Variants in DHX8 observed in about 807,000 individuals in gnomAD.
DHX8 encodes ATP-dependent RNA helicase DHX8.
A neutral mutation model predicts 140.7 loss-of-function variants in DHX8; 67 were observed. The ratio of observed to expected loss-of-function variants is 0.48; its 90% confidence interval spans 0.39 to 0.58. The LOEUF is 0.58. DHX8 is among the 20% of genes least tolerant of loss of function. The pLI is 0.00. For synonymous variants in DHX8, 533 were observed against 553.2 expected (o/e 0.96, Z 0.51); for missense variants, 887 against 1,550.7 (o/e 0.57, Z 7.19).
chr17:43,528,229 GA>G, downstream of DHX8: 5 of 345,432 alleles, frequency 1.4e-5, no homozygotes, highest in East Asian at 8.7e-5. Flanking sequence ...TGTGGTTGGG[GA>G]AAAGGTGTGG....
At chr17:43,501,196 G>C (rs1349612292) in intron 11 of DHX8, among the ~76,000 whole-genome samples, 1 of 152,126 alleles carries the variant, frequency 6.6e-6, no homozygotes, top group East Asian at 1.9e-4. Context: ...ACTGTGGTGG[G>C]TCACTTCCCT....
chr17:43,538,667 C>T (rs1971364055), intron 3 of DHX8, among the ~76,000 whole-genome samples: 1 of 152,168 alleles, frequency 6.6e-6, no homozygotes. Context: ...AGAGTCTTGG[C>T]CCACTTTTGC....
At chr17:43,494,297 T>C (rs1222462884) in intron 8 of DHX8, among the ~76,000 whole-genome samples, 4 of 152,128 alleles carry the variant, frequency 2.6e-5, no homozygotes, top group Admixed American at 2.6e-4. Flanking sequence ...AAGATGAGAT[T>C]TGGGTGGGGA....
intron 2 of DHX8, chr17:43,533,259 T>C: frequency 6.2e-7 from 1 of 1,613,772 alleles, no homozygotes; most frequent in Non-Finnish European, 8.5e-7. Context: ...ATTCCGTTGC[T>C]CTGCCCGGGG....
chr17:43,504,722 C>T lies in DHX8; in HGVS notation c.1625C>T (p.Ala542Val). Residue 542 changes from alanine (A) to valine (V), a missense_variant, in exon 12 of 23, where the codon GCC (alanine) becomes GTC (valine). Physicochemically the swap from Ala to Val is moderately conservative, Grantham distance 64. Transcript: ENST00000262415. ...GATATTCCTGAGTGGAAGAAGCATG[C>T]CTTTGGGGGCAACAAAGCCTCTTAC... is the stretch of plus-strand genomic sequence containing the variant. Reference protein sequence around the residue: ...PNDIPEWKKHAFGGNKASYGK... With the variant: ...PNDIPEWKKHVFGGNKASYGK... 1 of 1,614,072 alleles carries T rather than the reference C, an allele frequency of 6.2e-7. No homozygotes were observed. Among genetic ancestry groups the T allele is most frequent in the Non-Finnish European group, 8.5e-7 (1 of 1,180,010 alleles).
Position 43,491,186 on chromosome 17 carries a change from C to T in DHX8, c.329C>T (p.Thr110Ile), listed in dbSNP as rs775284548. ...TSKDPVVKPK[T>I]EKEKLKELFP... is the part of the protein sequence containing the mutation. ...CAAGATCCAGTTGTTAAACCTAAAA[C>T]AGAAAAAGAAAAGCTGAAGGAACTC... Residue 110 changes from threonine to isoleucine, a missense_variant, in exon 4 of 23, where the codon ACA (threonine) becomes ATA (isoleucine). Thr to Ile is a moderately conservative substitution (Grantham distance 89). This residue lies in a region of DHX8 where 304 missense variants were observed against 306.9 expected (regional missense o/e 0.99). Transcript: ENST00000262415. The T allele has an allele frequency of 1.3e-6, 2 of 1,540,284 alleles. No homozygotes were observed. Among genetic ancestry groups the T allele is most frequent in the South Asian group, 2.6e-5 (2 of 76,870 alleles).
chr17:43,502,261 TATTAG>T (rs1362706079), intron 11 of DHX8, among the ~76,000 whole-genome samples: 1 of 152,198 alleles, frequency 6.6e-6, no homozygotes, highest in Non-Finnish European at 1.5e-5. Flanking sequence ...GAGATTCAAA[TATTAG>T]ATTAGGTTCG....
In DHX8 at chr17:43,513,393, C is replaced by T. The variant is rs1969949162; in HGVS notation, c.2534C>T (p.Ser845Leu). The T allele has an allele frequency of 1.2e-6, 2 of 1,613,560 alleles. No homozygotes were observed. Among genetic ancestry groups the T allele is most frequent in the Non-Finnish European group, 1.7e-6 (2 of 1,179,766 alleles). Residue 845 changes from serine to leucine, a missense_variant, in exon 17 of 23, where the codon TCG (serine) becomes TTG (leucine). Physicochemically the swap from Ser to Leu is moderately radical, Grantham distance 145. Transcript: ENST00000262415. The part of the protein sequence containing the change: ...VVIATNIAET[S>L]LTIDGIYYVV... ...ATTGCCACCAATATCGCAGAGACAT[C>T]GCTGACTATTGATGGTATCTACTAT... is the stretch of plus-strand genomic sequence containing the variant.
intron 16 of DHX8, among the ~76,000 whole-genome samples, chr17:43,511,456 A>ATGTTTTT (rs1969821567): frequency 1.8e-5 from 1 of 56,790 alleles, no homozygotes; most frequent in Non-Finnish European, 2.9e-5. Flanking sequence ...TGATCCCAGC[A>ATGTTTTT]TTTTTTTTTT....
At position 43,493,032 on chromosome 17, in the gene DHX8, A is replaced by C; in HGVS notation, c.855A>C (p.Glu285Asp). Residue 285 changes from glutamate (E) to aspartate (D), a missense_variant, in exon 6 of 23, where the codon GAA (glutamate) becomes GAC (aspartate). By Grantham distance (45) the Glu-to-Asp change is conservative. Around this residue, in one of 9 missense-constraint regions of DHX8, gnomAD observed 98 missense variants for 152.7 expected, o/e 0.64. Transcript: ENST00000262415. ...AGTTTGGTTGCTTTGTGCAGCTGGA[A>C]GGACTAAGGTAATGACTGGTGCTCT... The part of the protein sequence containing the change: ...IMQFGCFVQL[E>D]GLRKRWEGLV... 2 of 1,613,374 alleles carry C rather than the reference A, an allele frequency of 1.2e-6. No homozygotes were observed. The highest frequency in any genetic ancestry group is 2.2e-5 in the South Asian group (2 of 91,070).
chr17:43,529,905 C>G (rs147888887), downstream of DHX8: 111 of 1,614,052 alleles, frequency 6.9e-5, no homozygotes, highest in Non-Finnish European at 9.0e-5. Context: ...TCAGGGACAA[C>G]GCAGACATCA....
chr17:43,498,899 T>G lies in DHX8; in HGVS notation c.1338T>G (p.Pro446=), dbSNP rs1458496605. 1 of 1,596,346 alleles carries G rather than the reference T, an allele frequency of 6.3e-7. No homozygotes were observed. Among genetic ancestry groups the G allele is most frequent in the Non-Finnish European group, 8.5e-7 (1 of 1,174,312 alleles). ...AGATTGAATTGGTTGAGGAAGAGCC[T>G]CCATTCCTGAGAGGGCACACTAAGC... The part of the protein sequence containing the change: ...DLEIELVEEE[P]PFLRGHTKQS... The change falls in exon 10 of 23, where the codon CCT becomes CCG. Residue 446 remains proline, a synonymous_variant. Transcript: ENST00000262415.
At position 43,491,221 on chromosome 17, in the gene DHX8, C is replaced by T. The variant is rs1968499010; in HGVS notation, c.364C>T (p.Leu122Phe). ...AAAGCTGAAGGAACTCTTCCCAGTC[C>T]TTTGCCAACCGGACAACCCTTCTGT... ...KEKLKELFPV[L>F]CQPDNPSVRT... The change falls in exon 4 of 23, where the codon CTT becomes TTT. Residue 122 changes from leucine to phenylalanine, a missense_variant. Physicochemically the swap from Leu to Phe is conservative, Grantham distance 22 (BLOSUM62 0). This residue lies in a region of DHX8 where 304 missense variants were observed against 306.9 expected (regional missense o/e 0.99). Coordinates refer to ENST00000262415, the MANE Select transcript of DHX8 (RefSeq NM_004941.3). The T allele has an allele frequency of 2.0e-6, 3 of 1,536,138 alleles. No homozygotes were observed. Among genetic ancestry groups the T allele is most frequent in the Admixed American group, 2.0e-5 (1 of 50,144 alleles).
chr17:43,496,757 G>T (rs1968885190), intron 9 of DHX8, among the ~76,000 whole-genome samples: 1 of 151,206 alleles, frequency 6.6e-6, no homozygotes, highest in African/African-American at 2.4e-5. Context: ...TCCAGCCTGA[G>T]TGACAGAGTG....
rs776263887 is a variant in DHX8, at chr17:43,525,411, A to AAT, written c.*1568_*1569dup. On this transcript the variant is annotated 3_prime_UTR_variant, in exon 23 of 23. Coordinates refer to ENST00000262415, the MANE Select transcript of DHX8 (RefSeq NM_004941.3). ...ATTCAGAAAGAGTCCGAGGGAGAGG[A>AAT]ATATAGGCCAGGCAATCTGCTGGCT... 4.1e-6 allele frequency: 4 copies of AAT among 982,570 alleles called. No homozygotes were observed. Among genetic ancestry groups the AAT allele is most frequent in the Non-Finnish European group, 4.8e-6 (4 of 827,366 alleles). 60.9% of individuals were successfully genotyped at this position (982,570 alleles called of 1,614,324 possible).
At chr17:43,498,659 GT>G (rs1969012637) in intron 9 of DHX8, among the ~76,000 whole-genome samples, 1 of 151,892 alleles carries the variant, frequency 6.6e-6, no homozygotes, top group South Asian at 2.1e-4. Flanking sequence ...GTGTTGACCA[GT>G]CTGATCTCAA....
At chr17:43,535,367 TC>T (rs1411018284) in intron 2 of DHX8, among the ~76,000 whole-genome samples, 1 of 152,148 alleles carries the variant, frequency 6.6e-6, no homozygotes, top group African/African-American at 2.4e-5. Flanking sequence ...AACCTCCGCC[TC>T]CCAGGTTCAA....
chr17:43,514,572 C>T (rs368066862), intron 17 of DHX8, among the ~76,000 whole-genome samples: 5 of 151,952 alleles, frequency 3.3e-5, no homozygotes, highest in South Asian at 2.1e-4. Context: ...ATGAATTACC[C>T]GATCACTTTT....
intron 11 of DHX8, among the ~76,000 whole-genome samples, chr17:43,503,224 A>G (rs1186426923): frequency 3.3e-5 from 5 of 152,124 alleles, no homozygotes; most frequent in Non-Finnish European, 4.4e-5. Context: ...TAGTCCAGGC[A>G]TGGTGGCTCA....
Sources: gnomAD v4.1 joint callset for allele counts (sites outside exome capture counted in the v4.1 genomes callset) on GRCh38, gnomAD v4.1.1 for gene constraint, gnomAD v4.1.1 regional missense constraint, MANE v1.5 for transcripts, NCBI Gene and HGNC (gene_info 2026-07-23, HGNC 2026-07-21) for gene names.